The following TMEM45A variants were observed in gnomAD, a reference collection of about 807,000 sequenced individuals.
TMEM45A encodes the protein transmembrane protein 45A.
In TMEM45A, 25 loss-of-function variants were observed where a neutral mutation model predicts 32.0. The observed-to-expected ratio is 0.78, with a 90% CI of 0.57 to 1.09. TMEM45A has a LOEUF of 1.09. TMEM45A is among the 50% of genes least tolerant of loss of function. The pLI is 0.00. For missense variants in TMEM45A, 302 were observed against 325.0 expected (o/e 0.93, Z 0.54); for synonymous variants, 122 against 114.8 (o/e 1.06, Z -0.40).
intron 4 of TMEM45A, among the ~76,000 whole-genome samples, chr3:100,567,703 C>A (rs557084581): frequency 6.6e-6 from 1 of 152,034 alleles, no homozygotes; most frequent in African/African-American, 2.4e-5. Context: ...TTTTGGTGTA[C>A]AAGTCTTAAA....
At chr3:100,514,395 T>A (rs28858527) in intron 1 of TMEM45A, among the ~76,000 whole-genome samples, 2,722 of 152,038 alleles carry the variant, frequency 0.018, 80 homozygotes, top group Admixed American at 0.082. Context: ...CTATTTAATA[T>A]ATGGTGCTGG....
At chr3:100,528,880 A>G (rs1705596539) in intron 1 of TMEM45A, among the ~76,000 whole-genome samples, 1 of 152,340 alleles carries the variant, frequency 6.6e-6, no homozygotes, top group East Asian at 1.9e-4. Flanking sequence ...ATTTTAATGA[A>G]CATTCACATT....
chr3:100,562,889 T>G (rs1706364143), intron 4 of TMEM45A, among the ~76,000 whole-genome samples: 1 of 152,212 alleles, frequency 6.6e-6, no homozygotes, highest in Admixed American at 6.5e-5. Flanking sequence ...AGGTGAAAGA[T>G]GGAAGAGAGT....
At chr3:100,503,895 C>T (rs1222071486) in intron 1 of TMEM45A, among the ~76,000 whole-genome samples, 2 of 152,158 alleles carry the variant, frequency 1.3e-5, no homozygotes, top group Non-Finnish European at 2.9e-5. Flanking sequence ...TAGCTTCACT[C>T]CAGTGTCTGA....
chr3:100,500,434 T>C (rs1707993187), intron 1 of TMEM45A, among the ~76,000 whole-genome samples: 2 of 151,654 alleles, frequency 1.3e-5, no homozygotes, highest in African/African-American at 4.9e-5. Flanking sequence ...GTTCTTTTTC[T>C]ATAACACGTA....
At chr3:100,565,622 A>T (rs1220192201) in intron 4 of TMEM45A, among the ~76,000 whole-genome samples, 3 of 152,212 alleles carry the variant, frequency 2.0e-5, no homozygotes, top group African/African-American at 7.2e-5. Context: ...GGAGACACCT[A>T]AACACTGTAA....
intron 1 of TMEM45A, among the ~76,000 whole-genome samples, chr3:100,538,668 A>C (rs1326948679): frequency 6.6e-6 from 1 of 152,206 alleles, no homozygotes; most frequent in Non-Finnish European, 1.5e-5. Flanking sequence ...AATCCCAAAC[A>C]ATCAACAATA....
At chr3:100,517,646 G>T (rs1374091311) in intron 1 of TMEM45A, among the ~76,000 whole-genome samples, 1 of 152,184 alleles carries the variant, frequency 6.6e-6, no homozygotes, top group African/African-American at 2.4e-5. Context: ...CATCTAAGGT[G>T]ATATTCTTTA....
chr3:100,502,824 GA>G (rs1295639634), intron 1 of TMEM45A, among the ~76,000 whole-genome samples: 1 of 152,110 alleles, frequency 6.6e-6, no homozygotes, highest in Non-Finnish European at 1.5e-5. Context: ...TAGCAAGGAA[GA>G]AAAAAATTAT....
At chr3:100,525,508 T>C (rs1461611585) in intron 1 of TMEM45A, among the ~76,000 whole-genome samples, 2 of 152,192 alleles carry the variant, frequency 1.3e-5, no homozygotes, top group Non-Finnish European at 2.9e-5. Flanking sequence ...AATACAAAAT[T>C]ACACATTGTG....
At chr3:100,554,855 G>A (rs190849066) in intron 1 of TMEM45A, among the ~76,000 whole-genome samples, 28 of 152,222 alleles carry the variant, frequency 1.8e-4, no homozygotes, top group Admixed American at 3.9e-4. Context: ...TGTGAGATTT[G>A]GGCAAGTGGT....
rs1706494992 is a variant in TMEM45A, at chr3:100,568,746, GCAA to G, written c.589-75_589-73del. 23 of 1,363,476 alleles carry G rather than the reference GCAA, an allele frequency of 1.7e-5. No individual in the cohort carries two copies. In the Admixed American group the frequency reaches 4.6e-4, roughly 27 times the overall value. The allele number at this position is 1,363,476 out of a possible 1,614,324, so 84.5% of individuals were successfully genotyped here. ...GTTAACTTAGTTATTTACCTCGGAA[GCAA>G]GTATTTTGAAATGTACCATTTTTGG... On this transcript the variant is annotated intron_variant, in intron 4 of 5. Transcript: ENST00000323523.
intron 1 of TMEM45A, among the ~76,000 whole-genome samples, chr3:100,531,995 C>T (rs1453557423): frequency 1.3e-5 from 2 of 152,220 alleles, no homozygotes; most frequent in African/African-American, 4.8e-5. Context: ...AACATACTGA[C>T]TCTGAAAGAA....
chr3:100,534,466 C>T lies in TMEM45A; in HGVS notation c.-3-20743C>T, dbSNP rs1209446470. Among the ~76,000 whole-genome samples, 3 of 152,052 alleles carry T rather than the reference C, an allele frequency of 2.0e-5. No homozygotes were observed. The East Asian group carries it at 5.8e-4, about 29-fold the overall frequency. ...GTCAGTGAGAGAGATTTGAAGATGC[C>T]ATGCTGCTGGCTTTGAAGATGGAGG... On this transcript the variant is annotated intron_variant, in intron 1 of 5. Transcript: ENST00000323523.
chr3:100,495,032 T>G (rs1707902863), intron 1 of TMEM45A, among the ~76,000 whole-genome samples: 2 of 152,246 alleles, frequency 1.3e-5, no homozygotes, highest in South Asian at 4.1e-4. Context: ...TTGTACTCAC[T>G]CTTTGTTATC....
intron 4 of TMEM45A, among the ~76,000 whole-genome samples, chr3:100,565,024 T>C (rs1360409643): frequency 1.3e-5 from 2 of 152,156 alleles, no homozygotes; most frequent in African/African-American, 2.4e-5. Flanking sequence ...GGCTGTATGG[T>C]GAAAAGAGTA....
At chr3:100,520,705 C>T (rs1705421851) in intron 1 of TMEM45A, among the ~76,000 whole-genome samples, 1 of 152,170 alleles carries the variant, frequency 6.6e-6, no homozygotes, top group Non-Finnish European at 1.5e-5. Context: ...GAGGAGCAGG[C>T]AGGCACGGGT....
chr3:100,512,118 G>C lies in TMEM45A; in HGVS notation c.-4+19190G>C, dbSNP rs140090487. 3.0e-3 allele frequency among the ~76,000 whole-genome samples: 462 copies of C among 152,276 alleles called. 2 individuals carry two copies. Among genetic ancestry groups the C allele is most frequent in the African/African-American group, 9.7e-3 (405 of 41,544 alleles). On this transcript the variant is annotated intron_variant, in intron 1 of 5. Coordinates refer to ENST00000323523, the MANE Select transcript of TMEM45A (RefSeq NM_018004.3). The stretch of plus-strand genomic sequence containing the variant: ...GGAATTGAACCCAGCTCTGCACCAA[G>C]TGGACCTAATAGACATCTGCAGAAC...
At chr3:100,546,989 G>A (rs775953735) in intron 1 of TMEM45A, among the ~76,000 whole-genome samples, 1 of 152,120 alleles carries the variant, frequency 6.6e-6, no homozygotes, top group Admixed American at 6.5e-5. Context: ...GGGGTTAGGG[G>A]TCTGGCCACC....
Sources: allele counts gnomAD v4.1 joint callset (sites outside exome capture counted in the v4.1 genomes callset), GRCh38; gene constraint gnomAD v4.1.1; transcripts MANE v1.5; gene names NCBI Gene and HGNC (gene_info 2026-07-23, HGNC 2026-07-21).